LYST: variants seen among roughly 807,000 people sequenced by gnomAD.
LYST encodes the protein lysosomal trafficking regulator, also known as lysosomal-trafficking regulator.
Under a neutral mutation model 413.6 loss-of-function variants are expected in LYST, and 192 were observed. That is an observed-to-expected ratio of 0.46 (90% CI 0.41 to 0.52). LYST has a LOEUF of 0.52. LYST is among the 20% of genes least tolerant of loss of function. The probability of loss-of-function intolerance (pLI) is 0.00; values close to 1 mark genes in which losing one functional copy is unlikely to be tolerated. For missense variants in LYST, 3,815 were observed against 4,499.9 expected (o/e 0.85, Z 4.35); for synonymous variants, 1,525 against 1,567.3 (o/e 0.97, Z 0.64).
intron 46 of LYST, among the ~76,000 whole-genome samples, chr1:235,695,352 C>T (rs529675083): frequency 1.3e-5 from 2 of 152,236 alleles, no homozygotes; most frequent in Non-Finnish European, 2.9e-5. Flanking sequence ...GGATGCAAAA[C>T]TCAGGAACTG....
chr1:235,730,109 G>A (rs1195941880), intron 36 of LYST, among the ~76,000 whole-genome samples: 1 of 151,702 alleles, frequency 6.6e-6, no homozygotes, highest in Admixed American at 6.6e-5. Context: ...TTTTAAAAAA[G>A]CCTAGTATTC....
chr1:235,799,928 C>CTTTTTTTTTTT (rs67988872), intron 10 of LYST, among the ~76,000 whole-genome samples: 2 of 63,504 alleles, frequency 3.1e-5, no homozygotes, highest in African/African-American at 1.3e-4. Context: ...CAATGGAAGC[C>CTTTTTTTTTTT]TTTTTTTTTT....
chr1:235,731,175 G>T lies in LYST; in HGVS notation c.8804C>A (p.Ala2935Glu), dbSNP rs1435517186. The T allele has an allele frequency of 2.5e-6, 4 of 1,613,800 alleles. No individual in the cohort carries two copies. Among genetic ancestry groups the T allele is most frequent in the African/African-American group, 2.7e-5 (2 of 74,900 alleles). The change falls in exon 35 of 53, where the codon GCA becomes GAA. Residue 2935 changes from alanine (A) to glutamate (E), a missense_variant and splice_region_variant. Physicochemically the swap from Ala to Glu is moderately radical, Grantham distance 107 (BLOSUM62 -1). This residue lies in a region of LYST where 866 missense variants were observed against 1,156.0 expected (regional missense o/e 0.75). Coordinates refer to ENST00000389793, the MANE Select transcript of LYST (RefSeq NM_000081.4). ...ELIQQLTHDR[A>E]VWYDPIYYPT... ...ATAGTAGATGGGGTCATACCATACT[G>T]CTCTGCAAGTAAAAAGATTAAAGGG... is the stretch of plus-strand genomic sequence containing the variant.
chr1:235,809,742 G>C lies in LYST; in HGVS notation c.1076C>G (p.Ala359Gly). The change falls in exon 5 of 53, where the codon GCA (alanine) becomes GGA (glycine). Residue 359 changes from alanine to glycine, a missense_variant. Physicochemically the swap from Ala to Gly is moderately conservative, Grantham distance 60. Coordinates refer to ENST00000389793, the MANE Select transcript of LYST (RefSeq NM_000081.4). The surrounding 1 kb of genome is among the most constrained non-coding windows in gnomAD (Gnocchi z 4.0). ...LRKNLTELLRAALKIRICLEK... is the reference protein window; with the variant it reads ...LRKNLTELLRGALKIRICLEK... The stretch of plus-strand genomic sequence containing the variant: ...TAGGCATATTCTAATTTTTAAAGCT[G>C]CTCTAAGCAATTCAGTTAAATTTTT... 1 of 1,613,968 alleles carries C rather than the reference G, an allele frequency of 6.2e-7. No homozygotes were observed. The highest frequency in any genetic ancestry group is 8.5e-7 in the Non-Finnish European group (1 of 1,179,934).
chr1:235,672,265 T>A (rs1659001015), intron 50 of LYST, among the ~76,000 whole-genome samples: 1 of 151,890 alleles, frequency 6.6e-6, no homozygotes, highest in African/African-American at 2.4e-5. Flanking sequence ...AATTTAGGAG[T>A]CATTAGGGAA....
intron 38 of LYST, among the ~76,000 whole-genome samples, chr1:235,726,791 G>A (rs939474788): frequency 5.3e-5 from 8 of 151,604 alleles, no homozygotes; most frequent in Non-Finnish European, 7.4e-5. Flanking sequence ...CAACATATTC[G>A]ACAGATGGAC....
At chr1:235,733,388 A>G in intron 34 of LYST, 115 bp downstream of exon 34, 1 of 890,884 alleles carries the variant, frequency 1.1e-6, no homozygotes, top group Non-Finnish European at 1.8e-6. Context: ...GATTAAACAA[A>G]AAATTGTTTA....
chr1:235,820,713 T>G (rs997033706), intron 3 of LYST, among the ~76,000 whole-genome samples: 20 of 152,224 alleles, frequency 1.3e-4, no homozygotes, highest in Admixed American at 1.3e-3. Context: ...TATCTTGACA[T>G]GCTAATTAAA....
At chr1:235,736,831 G>A (rs1664863650) in intron 31 of LYST, 2 of 132,910 alleles carry the variant, frequency 1.5e-5, no homozygotes, top group African/African-American at 7.0e-5. Context: ...ACATAGATTT[G>A]CTTGTATCTT....
At chr1:235,750,630 T>A (rs1666392899) in intron 28 of LYST, among the ~76,000 whole-genome samples, 1 of 152,184 alleles carries the variant, frequency 6.6e-6, no homozygotes, top group Non-Finnish European at 1.5e-5. Context: ...TCTTTCTGGG[T>A]AAAGATGATA....
chr1:235,737,963 T>TAAAAAACATG, intron 31 of LYST: 3 of 1,346,176 alleles, frequency 2.2e-6, no homozygotes, highest in South Asian at 3.9e-5. Context: ...GGACGTGCAT[T>TAAAAAACATG]CTCGATTCCT....
At chr1:235,826,350 T>C (rs1283581420) in intron 3 of LYST, among the ~76,000 whole-genome samples, 1 of 152,198 alleles carries the variant, frequency 6.6e-6, no homozygotes, top group African/African-American at 2.4e-5. Context: ...GCTTTATTCA[T>C]AATAGCCAAA....
intron 19 of LYST, among the ~76,000 whole-genome samples, chr1:235,771,244 C>T (rs897752817): frequency 1.3e-5 from 2 of 151,884 alleles, no homozygotes; most frequent in Admixed American, 6.6e-5. Flanking sequence ...TAAAATAGTG[C>T]CAATGTAAAC....
At chr1:235,783,623 A>G (rs1238426205) in intron 14 of LYST, among the ~76,000 whole-genome samples, 1 of 152,184 alleles carries the variant, frequency 6.6e-6, no homozygotes, top group Non-Finnish European at 1.5e-5. Flanking sequence ...CGTTCTGCAC[A>G]TGTATCCCAG....
At chr1:235,746,107 G>A (rs960297507) in intron 29 of LYST, among the ~76,000 whole-genome samples, 5 of 152,162 alleles carry the variant, frequency 3.3e-5, no homozygotes, top group African/African-American at 4.8e-5. Context: ...GATCATACTG[G>A]AAGTGCCATA....
chr1:235,750,283 T>C (rs553321968), intron 28 of LYST, among the ~76,000 whole-genome samples: 3 of 152,212 alleles, frequency 2.0e-5, no homozygotes, highest in Non-Finnish European at 4.4e-5. Context: ...GTAAGTTTAG[T>C]TACATAGATG....
At chr1:235,750,986 C>CA (rs1276240820) in intron 28 of LYST, among the ~76,000 whole-genome samples, 2 of 152,082 alleles carry the variant, frequency 1.3e-5, no homozygotes, top group Non-Finnish European at 2.9e-5. Context: ...CATTGTATCT[C>CA]CAATATTTAG....
Position 235,737,916 on chromosome 1 carries a change from A to AAAGAACCG in LYST, c.8359-3258_8359-3257insCGGTTCTT. 1.6e-5 allele frequency: 19 copies of AAAGAACCG among 1,163,404 alleles called. No individual in the cohort carries two copies. The Admixed American group carries it at 1.8e-4, about 11-fold the overall frequency. 72.1% of individuals were successfully genotyped at this position (1,163,404 alleles called of 1,614,324 possible). On this transcript the variant is annotated intron_variant, in intron 31 of 52. Transcript: ENST00000389793. ...GAAGGTGCTGGAGCCGCTGCCGACG[A>AAAGAACCG]GTCTGGATCTCACTGCCGCGTGCCC... is the stretch of plus-strand genomic sequence containing the variant.
At chr1:235,882,066 ACACT>A (rs1284232255) in intron 1 of LYST, among the ~76,000 whole-genome samples, 2 of 146,744 alleles carry the variant, frequency 1.4e-5, no homozygotes, top group African/African-American at 5.0e-5. Flanking sequence ...ATACACACAC[ACACT>A]CTTTCTTTCA....
Sources: allele counts gnomAD v4.1 joint callset (sites outside exome capture counted in the v4.1 genomes callset), GRCh38; gene constraint gnomAD v4.1.1; regional missense constraint gnomAD v4.1.1; non-coding constraint Gnocchi (gnomAD v3.1); transcripts MANE v1.5; gene names NCBI Gene and HGNC (gene_info 2026-07-23, HGNC 2026-07-21).